Variants in RALGPS2 observed in about 807,000 individuals in gnomAD.
The protein encoded by RALGPS2 is ras-specific guanine nucleotide-releasing factor RalGPS2.
In RALGPS2, 43 loss-of-function variants were observed where a neutral mutation model predicts 86.8. That is an observed-to-expected ratio of 0.50 (90% CI 0.39 to 0.64). The LOEUF is 0.64. Among genes scored for constraint, RALGPS2 ranks in the 30% least tolerant of loss-of-function variants. RALGPS2 has a pLI of 0.00. For synonymous variants in RALGPS2, 243 were observed against 231.3 expected (o/e 1.05, Z -0.46); for missense variants, 536 against 694.6 (o/e 0.77, Z 2.57).
intron 4 of RALGPS2, among the ~76,000 whole-genome samples, chr1:178,789,853 G>C (rs1290996684): frequency 6.6e-6 from 1 of 152,174 alleles, no homozygotes; most frequent in African/African-American, 2.4e-5. Context: ...AGAATGAGAG[G>C]TTGAACATAG....
At chr1:178,839,311 C>A (rs937830121) in intron 8 of RALGPS2, among the ~76,000 whole-genome samples, 1 of 152,244 alleles carries the variant, frequency 6.6e-6, no homozygotes, top group East Asian at 1.9e-4. Flanking sequence ...AACAGCAGAT[C>A]TCTCTGCAGA....
intron 1 of RALGPS2, among the ~76,000 whole-genome samples, chr1:178,760,218 G>C (rs1652166756): frequency 6.6e-6 from 1 of 152,128 alleles, no homozygotes; most frequent in Admixed American, 6.6e-5. Flanking sequence ...GGTCCAGTTG[G>C]TCTGTGTCAA....
intron 19 of RALGPS2, among the ~76,000 whole-genome samples, chr1:178,915,142 T>C (rs964596002): frequency 1.3e-5 from 2 of 152,378 alleles, no homozygotes; most frequent in East Asian, 3.9e-4. Flanking sequence ...GTGAAAGTTT[T>C]AGTAGAAAAC....
At chr1:178,738,349 C>T (rs1650838954) in intron 1 of RALGPS2, among the ~76,000 whole-genome samples, 1 of 151,830 alleles carries the variant, frequency 6.6e-6, no homozygotes, top group Non-Finnish European at 1.5e-5. Flanking sequence ...GCTGGGATTA[C>T]AGGCACATGC....
intron 10 of RALGPS2, 148 bp from the exon 11 acceptor site, chr1:178,883,315 AAAG>A (rs1159019983): frequency 1.7e-5 from 10 of 598,054 alleles, no homozygotes; most frequent in Admixed American, 5.9e-5. Flanking sequence ...TGTCTCTTAA[AAAG>A]AAGAAGATTG....
At chr1:178,773,091 T>C (rs1652885378) in intron 1 of RALGPS2, among the ~76,000 whole-genome samples, 1 of 152,230 alleles carries the variant, frequency 6.6e-6, no homozygotes, top group Non-Finnish European at 1.5e-5. Context: ...CGTGAGCCCC[T>C]GTACCTGGCC....
At chr1:178,761,994 A>G (rs922908224) in intron 1 of RALGPS2, among the ~76,000 whole-genome samples, 1 of 152,078 alleles carries the variant, frequency 6.6e-6, no homozygotes, top group African/African-American at 2.4e-5. Context: ...TAGTTTCTCA[A>G]TCCTCACTCT....
chr1:178,772,239 G>A (rs1239102853), intron 1 of RALGPS2, among the ~76,000 whole-genome samples: 1 of 152,130 alleles, frequency 6.6e-6, no homozygotes, highest in African/African-American at 2.4e-5. Flanking sequence ...TGGTTTTCTT[G>A]TTTGTCTTAT....
intron 1 of RALGPS2, among the ~76,000 whole-genome samples, chr1:178,749,606 T>C (rs140919144): frequency 2.4e-3 from 365 of 152,168 alleles, no homozygotes; most frequent in African/African-American, 8.4e-3. Flanking sequence ...TTTTGAGGAG[T>C]AGTATTTTTC....
chr1:178,804,650 G>T, intron 4 of RALGPS2, among the ~76,000 whole-genome samples: 1 of 71,040 alleles, frequency 1.4e-5, no homozygotes. Flanking sequence ...GTGTATATGT[G>T]CCACATTTTC....
chr1:178,813,087 C>CA (rs1655063874), intron 6 of RALGPS2, among the ~76,000 whole-genome samples: 1 of 151,824 alleles, frequency 6.6e-6, no homozygotes, highest in Non-Finnish European at 1.5e-5. Context: ...TGCATGCCAC[C>CA]ACACCCGGCT....
intron 1 of RALGPS2, among the ~76,000 whole-genome samples, chr1:178,736,165 GTT>G (rs369513866): frequency 1.5e-5 from 2 of 134,752 alleles, no homozygotes; most frequent in Non-Finnish European, 3.2e-5. Context: ...TTTGTGGGTT[GTT>G]TTTTTTTTTT....
intron 8 of RALGPS2, among the ~76,000 whole-genome samples, chr1:178,873,530 AAAT>A (rs1658862694): frequency 6.6e-6 from 1 of 152,212 alleles, no homozygotes; most frequent in Non-Finnish European, 1.5e-5. Flanking sequence ...CAGCTTTGAA[AAAT>A]AATGTGACAC....
chr1:178,907,717 C>G (rs765778406), intron 19 of RALGPS2, among the ~76,000 whole-genome samples: 1 of 152,264 alleles, frequency 6.6e-6, no homozygotes, highest in Middle Eastern at 3.4e-3. Context: ...ATGCAGAAGT[C>G]TATGGTTAGC....
chr1:178,863,877 G>A (rs1374815864), intron 8 of RALGPS2, among the ~76,000 whole-genome samples: 1 of 152,176 alleles, frequency 6.6e-6, no homozygotes, highest in African/African-American at 2.4e-5. Context: ...ACCACTTCAT[G>A]ATATATTTCT....
At chr1:178,811,001 T>G (rs977043961) in intron 5 of RALGPS2, among the ~76,000 whole-genome samples, 1 of 152,116 alleles carries the variant, frequency 6.6e-6, no homozygotes, top group African/African-American at 2.4e-5. Context: ...AAGATGGTTT[T>G]ATTTGAAAGC....
intron 8 of RALGPS2, among the ~76,000 whole-genome samples, chr1:178,859,178 T>A (rs1244084154): frequency 2.0e-5 from 3 of 152,166 alleles, no homozygotes; most frequent in African/African-American, 7.2e-5. Context: ...TACGTTCTCA[T>A]AACTGGCTAA....
At chr1:178,799,558 G>T (rs532319255) in intron 4 of RALGPS2, among the ~76,000 whole-genome samples, 1 of 152,178 alleles carries the variant, frequency 6.6e-6, no homozygotes, top group East Asian at 1.9e-4. Flanking sequence ...AACACCAGCT[G>T]CCCGTCTTTG....
At chr1:178,890,866 G>A (rs967470239) in intron 14 of RALGPS2, among the ~76,000 whole-genome samples, 1 of 151,800 alleles carries the variant, frequency 6.6e-6, no homozygotes, top group African/African-American at 2.4e-5. Context: ...CTTCTGATCT[G>A]TTCATTTGGG....
Sources: allele counts gnomAD v4.1 joint callset (sites outside exome capture counted in the v4.1 genomes callset), GRCh38; gene constraint gnomAD v4.1.1; transcripts MANE v1.5; gene names NCBI Gene and HGNC (gene_info 2026-07-23, HGNC 2026-07-21).